KCNJ3: variants seen among roughly 807,000 people sequenced by gnomAD.
KCNJ3 encodes the protein potassium inwardly rectifying channel subfamily J member 3.
A neutral mutation model predicts 39.2 loss-of-function variants in KCNJ3; 4 were observed. The ratio of observed to expected loss-of-function variants is 0.10; its 90% CI spans 0.05 to 0.23. KCNJ3 has a LOEUF of 0.23. Among genes scored for constraint, KCNJ3 ranks in the 10% least tolerant of loss-of-function variants. The pLI, the probability that KCNJ3 is intolerant of heterozygous loss-of-function variation, is 1.00. For missense variants in KCNJ3, 276 were observed against 634.9 expected (o/e 0.43, Z 6.08); for synonymous variants, 230 against 237.4 (o/e 0.97, Z 0.29).
intron 2 of KCNJ3, among the ~76,000 whole-genome samples, chr2:154,757,155 A>G (rs560140413): frequency 2.6e-5 from 4 of 152,222 alleles, no homozygotes; most frequent in African/African-American, 9.6e-5. Context: ...AAAATATTAT[A>G]AATCAAGAAT....
chr2:154,837,160 T>TAAC (rs1161287570), intron 2 of KCNJ3, among the ~76,000 whole-genome samples: 1 of 152,218 alleles, frequency 6.6e-6, no homozygotes, highest in African/African-American at 2.4e-5. Flanking sequence ...TTAGTAAATG[T>TAAC]AACTAGATAT....
chr2:154,717,892 G>A (rs1685207720), intron 2 of KCNJ3, among the ~76,000 whole-genome samples: 1 of 152,132 alleles, frequency 6.6e-6, no homozygotes, highest in Admixed American at 6.5e-5. Flanking sequence ...TAGTGTTATG[G>A]TAAGTGAGGT....
At chr2:154,848,710 T>C (rs1687704264) in intron 2 of KCNJ3, among the ~76,000 whole-genome samples, 1 of 152,130 alleles carries the variant, frequency 6.6e-6, no homozygotes, top group Non-Finnish European at 1.5e-5. Context: ...TTTTCAAGAT[T>C]AGAAAAACGG....
At chr2:154,794,805 A>T (rs1686693086) in intron 2 of KCNJ3, among the ~76,000 whole-genome samples, 1 of 151,990 alleles carries the variant, frequency 6.6e-6, no homozygotes, top group Admixed American at 6.6e-5. Context: ...AGTCATACTG[A>T]GATGTTTGTG....
chr2:154,713,930 CT>C (rs1194549013), intron 2 of KCNJ3, among the ~76,000 whole-genome samples: 1 of 152,184 alleles, frequency 6.6e-6, no homozygotes, highest in Admixed American at 6.5e-5. Flanking sequence ...TCTTTCTACA[CT>C]CCCAGTCCCA....
chr2:154,699,402 C>A lies in KCNJ3; in HGVS notation c.627C>A (p.Leu209=). 1 of 1,607,904 alleles carries A rather than the reference C, an allele frequency of 6.2e-7. No homozygotes were observed. ...TGATCTCCATGAGGGACGGAAAACT[C>A]ACGCTTATGTTCCGGGTGGGCAACC... The part of the protein sequence containing the change: ...HAVISMRDGK[L]TLMFRVGNLR... The change falls in exon 1 of 3, where the codon CTC becomes CTA. Residue 209 remains leucine (L), a synonymous_variant. Coordinates refer to ENST00000295101, the MANE Select transcript of KCNJ3 (RefSeq NM_002239.4). This position sits in a 1 kb window ranked among gnomAD's most constrained non-coding sequence, Gnocchi z 6.4.
intron 2 of KCNJ3, among the ~76,000 whole-genome samples, chr2:154,756,797 A>G (rs894270182): frequency 6.6e-6 from 1 of 152,104 alleles, no homozygotes; most frequent in Non-Finnish European, 1.5e-5. Flanking sequence ...TTTGTGTCAT[A>G]TAATAGAGCA....
intron 2 of KCNJ3, among the ~76,000 whole-genome samples, chr2:154,792,029 G>C (rs1014164752): frequency 2.0e-5 from 3 of 152,010 alleles, no homozygotes; most frequent in Admixed American, 2.0e-4. Flanking sequence ...TCCTGTACAC[G>C]TGGCTTCCCA....
chr2:154,754,335 T>C (rs904167165), intron 2 of KCNJ3, among the ~76,000 whole-genome samples: 9 of 152,310 alleles, frequency 5.9e-5, no homozygotes, highest in African/African-American at 2.2e-4. Flanking sequence ...AATGGTGCGA[T>C]CTCGGCTCAC....
intron 2 of KCNJ3, among the ~76,000 whole-genome samples, chr2:154,755,560 G>A (rs1685923098): frequency 6.7e-6 from 1 of 148,216 alleles, no homozygotes; most frequent in Admixed American, 6.9e-5. Flanking sequence ...AAGTAATTTT[G>A]CTTTTTATTC....
At chr2:154,806,780 A>G (rs1686917978) in intron 2 of KCNJ3, among the ~76,000 whole-genome samples, 1 of 152,196 alleles carries the variant, frequency 6.6e-6, no homozygotes, top group African/African-American at 2.4e-5. Context: ...TCAGGTTTCC[A>G]GATTCAGCTA....
intron 2 of KCNJ3, among the ~76,000 whole-genome samples, chr2:154,830,225 A>G (rs189343553): frequency 2.6e-5 from 4 of 152,248 alleles, no homozygotes; most frequent in Non-Finnish European, 5.9e-5. Flanking sequence ...ATTAGTCTGG[A>G]TTTTTAAATT....
intron 2 of KCNJ3, among the ~76,000 whole-genome samples, chr2:154,826,256 C>T (rs565768470): frequency 6.6e-6 from 1 of 152,248 alleles, no homozygotes; most frequent in African/African-American, 2.4e-5. Context: ...AAGAAATAGT[C>T]TGCCCAATGG....
At chr2:154,829,554 A>G (rs527378257) in intron 2 of KCNJ3, among the ~76,000 whole-genome samples, 1 of 152,020 alleles carries the variant, frequency 6.6e-6, no homozygotes, top group South Asian at 2.1e-4. Flanking sequence ...GGTTGATTCC[A>G]TTTCTTTGCT....
chr2:154,708,149 A>G lies in KCNJ3; in HGVS notation c.703-1454A>G, dbSNP rs1685045162. On this transcript the variant is annotated intron_variant, in intron 1 of 2. Transcript: ENST00000295101. ...TTTTCAGCCACACACAAGTTAGAGAAGAAAAATAGTCTCCCTTTCATTAGG... is the reference window on the plus strand; with the variant it reads ...TTTTCAGCCACACACAAGTTAGAGAGGAAAAATAGTCTCCCTTTCATTAGG... Among the ~76,000 whole-genome samples, 3 of 152,158 alleles carry G rather than the reference A, an allele frequency of 2.0e-5. No individual in the cohort carries two copies. The South Asian group carries it at 6.2e-4, about 31-fold the overall frequency.
At chr2:154,731,570 T>C (rs2105167635) in intron 2 of KCNJ3, among the ~76,000 whole-genome samples, 1 of 152,168 alleles carries the variant, frequency 6.6e-6, no homozygotes, top group African/African-American at 2.4e-5. Flanking sequence ...AAATAACTTC[T>C]TTGGGTATCT....
chr2:154,822,502 A>C (rs990592853), intron 2 of KCNJ3, among the ~76,000 whole-genome samples: 1 of 152,316 alleles, frequency 6.6e-6, no homozygotes, highest in South Asian at 2.1e-4. Context: ...CAAATAAAAT[A>C]GTTTTCTTTC....
intron 2 of KCNJ3, among the ~76,000 whole-genome samples, chr2:154,830,912 C>T (rs1416267721): frequency 6.6e-6 from 1 of 152,146 alleles, no homozygotes; most frequent in African/African-American, 2.4e-5. Flanking sequence ...AGTAAAATTT[C>T]AGAGTATGTC....
chr2:154,765,967 G>A (rs1686126229), intron 2 of KCNJ3, among the ~76,000 whole-genome samples: 2 of 152,178 alleles, frequency 1.3e-5, no homozygotes, highest in Admixed American at 1.3e-4. Flanking sequence ...CAGAAACGGT[G>A]TGGCGCCAAA....
Sources: allele counts gnomAD v4.1 joint callset (sites outside exome capture counted in the v4.1 genomes callset), GRCh38; gene constraint gnomAD v4.1.1; non-coding constraint Gnocchi (gnomAD v3.1); transcripts MANE v1.5; gene names NCBI Gene and HGNC (gene_info 2026-07-23, HGNC 2026-07-21).